Variants in HHIP observed in about 807,000 individuals in gnomAD.
HHIP encodes the protein hedgehog interacting protein.
Under a neutral mutation model 74.0 loss-of-function variants are expected in HHIP, and 12 were observed. The observed-to-expected ratio is 0.16, with a 90% confidence interval of 0.10 to 0.26. The LOEUF (loss-of-function observed/expected upper bound fraction) is 0.26, where lower values mean the gene tolerates loss of function less well. HHIP is among the 10% of genes least tolerant of loss of function. The pLI is 1.00. For synonymous variants in HHIP, 309 were observed against 311.6 expected (o/e 0.99, Z 0.09); for missense variants, 788 against 845.0 (o/e 0.93, Z 0.84).
At chr4:144,693,061 G>A (rs1036654777) in intron 4 of HHIP, among the ~76,000 whole-genome samples, 25 of 152,126 alleles carry the variant, frequency 1.6e-4, no homozygotes, top group African/African-American at 6.0e-4. Flanking sequence ...CAAGAGCTGT[G>A]GAGTGAGTGA....
chr4:144,707,029 G>A, intron 5 of HHIP, 58 bp from the exon 6 acceptor site: 2 of 1,424,076 alleles, frequency 1.4e-6, no homozygotes, highest in Admixed American at 1.7e-5. Flanking sequence ...TTCACTTTCT[G>A]ATGGACTCAT....
intron 4 of HHIP, among the ~76,000 whole-genome samples, chr4:144,671,999 T>C (rs1485666605): frequency 6.6e-6 from 1 of 151,776 alleles, no homozygotes; most frequent in Non-Finnish European, 1.5e-5. Flanking sequence ...AATAAATAAA[T>C]AAAAACAAAT....
chr4:144,651,107 G>A (rs987126517), intron 1 of HHIP, among the ~76,000 whole-genome samples: 3 of 152,068 alleles, frequency 2.0e-5, no homozygotes, highest in Admixed American at 2.0e-4. Flanking sequence ...ATTTTAAATA[G>A]ATCTGGTGAG....
intron 4 of HHIP, among the ~76,000 whole-genome samples, chr4:144,671,669 G>A (rs1476248680): frequency 2.6e-5 from 4 of 152,022 alleles, no homozygotes; most frequent in Non-Finnish European, 4.4e-5. Context: ...GGATCATGAC[G>A]GCCTCATCTA....
chr4:144,688,499 T>C (rs1361877606), intron 4 of HHIP, among the ~76,000 whole-genome samples: 1 of 152,126 alleles, frequency 6.6e-6, no homozygotes, highest in African/African-American at 2.4e-5. Flanking sequence ...CTATCTTGGA[T>C]GAGTGGGAAG....
At chr4:144,661,727 A>G (rs1728719125) in intron 4 of HHIP, among the ~76,000 whole-genome samples, 1 of 152,206 alleles carries the variant, frequency 6.6e-6, no homozygotes, top group Admixed American at 6.5e-5. Context: ...CTTGTAATGT[A>G]AAAGCATTTT....
chr4:144,703,870 G>A (rs1476402451), intron 4 of HHIP, among the ~76,000 whole-genome samples: 1 of 152,174 alleles, frequency 6.6e-6, no homozygotes, highest in East Asian at 1.9e-4. Context: ...ACCCTTCAGT[G>A]CCCAATCAAC....
At chr4:144,717,405 C>T (rs975714360) in intron 10 of HHIP, among the ~76,000 whole-genome samples, 57 of 152,016 alleles carry the variant, frequency 3.7e-4, no homozygotes, top group African/African-American at 1.4e-3. Flanking sequence ...GTTGTGCCTA[C>T]GTTTTTAGTA....
intron 4 of HHIP, among the ~76,000 whole-genome samples, chr4:144,695,958 A>G (rs1455181945): frequency 2.0e-5 from 3 of 151,918 alleles, no homozygotes; most frequent in Non-Finnish European, 4.4e-5. Context: ...CTTCTTCTAC[A>G]TAACGTGCAC....
intron 4 of HHIP, among the ~76,000 whole-genome samples, chr4:144,674,518 G>T (rs1347776853): frequency 2.0e-5 from 3 of 151,976 alleles, no homozygotes; most frequent in Admixed American, 6.6e-5. Flanking sequence ...ACTAGAAAAG[G>T]TTGAAAAGGA....
At chr4:144,734,515 A>G (rs1731051489) in intron 11 of HHIP, among the ~76,000 whole-genome samples, 1 of 152,104 alleles carries the variant, frequency 6.6e-6, no homozygotes, top group Admixed American at 6.6e-5. Context: ...AAAGTTTCTT[A>G]GAATGTTTAA....
intron 1 of HHIP, among the ~76,000 whole-genome samples, chr4:144,649,133 C>T (rs183684379): frequency 1.3e-5 from 2 of 151,784 alleles, no homozygotes; most frequent in East Asian, 1.9e-4. Context: ...CCCTTTTTCC[C>T]GTAAGCCTTC....
intron 4 of HHIP, among the ~76,000 whole-genome samples, chr4:144,692,922 G>A (rs1360465371): frequency 6.6e-6 from 1 of 152,024 alleles, no homozygotes; most frequent in Non-Finnish European, 1.5e-5. Context: ...AAGGTAGTCT[G>A]GATCCCTGAG....
At chr4:144,671,374 C>T (rs982496667) in intron 4 of HHIP, among the ~76,000 whole-genome samples, 2 of 148,698 alleles carry the variant, frequency 1.3e-5, no homozygotes, top group South Asian at 4.2e-4. Flanking sequence ...ACATATAAGA[C>T]TTCTGGGCAA....
chr4:144,712,123 T>A (rs755840546), intron 8 of HHIP, 52 bp downstream of exon 8: 1 of 1,498,442 alleles, frequency 6.7e-7, no homozygotes, highest in Non-Finnish European at 9.2e-7. Flanking sequence ...TTTGTCTTAG[T>A]ATATTTAGTA....
chr4:144,711,055 T>C (rs1353402704), intron 7 of HHIP, among the ~76,000 whole-genome samples: 1 of 144,120 alleles, frequency 6.9e-6, no homozygotes, highest in Non-Finnish European at 1.5e-5. Context: ...GTCCTCCCCT[T>C]ATGGAGCTTC....
chr4:144,737,621 T>G (rs1240906430), intron 12 of HHIP, 143 bp from the exon 13 acceptor site: 4 of 633,904 alleles, frequency 6.3e-6, no homozygotes, highest in Admixed American at 7.4e-5. Flanking sequence ...CTTGCATATT[T>G]ATCTTTCAGA....
At chr4:144,704,049 C>T (rs1452491750) in intron 4 of HHIP, among the ~76,000 whole-genome samples, 5 of 152,194 alleles carry the variant, frequency 3.3e-5, no homozygotes, top group African/African-American at 1.2e-4. Flanking sequence ...TCCTGGCACA[C>T]TGTGGCACAC....
chr4:144,703,192 C>T (rs1047505746), intron 4 of HHIP, among the ~76,000 whole-genome samples: 3 of 141,132 alleles, frequency 2.1e-5, no homozygotes, highest in African/African-American at 7.8e-5. Flanking sequence ...CCAGCCTGGG[C>T]AAAAAGAATG....
Sources: allele counts gnomAD v4.1 joint callset (sites outside exome capture counted in the v4.1 genomes callset), GRCh38; gene constraint gnomAD v4.1.1; transcripts MANE v1.5; gene names NCBI Gene and HGNC (gene_info 2026-07-23, HGNC 2026-07-21).